KL: variants seen among roughly 807,000 people sequenced by gnomAD.
KL encodes klotho.
KL carries 62 observed loss-of-function variants against 84.2 expected under a neutral mutation model. The observed-to-expected ratio is 0.74, with a 90% CI of 0.60 to 0.91. KL has a LOEUF of 0.91. KL is among the 40% of genes least tolerant of loss of function. KL has a pLI of 0.00. For synonymous variants in KL, 528 were observed against 528.0 expected (o/e 1.00, Z 0.00); for missense variants, 1,261 against 1,305.7 (o/e 0.97, Z 0.53).
intron 1 of KL, among the ~76,000 whole-genome samples, chr13:33,025,301 T>C (rs1454771541): frequency 6.6e-6 from 1 of 152,212 alleles, no homozygotes; most frequent in Non-Finnish European, 1.5e-5. Flanking sequence ...GTTTTGGACT[T>C]TGCAGATCCT....
At chr13:33,020,909 T>G (rs1870552787) in intron 1 of KL, among the ~76,000 whole-genome samples, 1 of 152,216 alleles carries the variant, frequency 6.6e-6, no homozygotes, top group Non-Finnish European at 1.5e-5. Context: ...CACCTGTTCT[T>G]CTGGAGCCAG....
At chr13:33,054,423 A>T (rs1198088599) in intron 2 of KL, 146 bp downstream of exon 2, 3 of 803,856 alleles carry the variant, frequency 3.7e-6, no homozygotes, top group Non-Finnish European at 5.9e-6. Flanking sequence ...CATTCATTTA[A>T]CACCTTTCTC....
At chr13:33,060,253 C>A (rs747119620) in intron 3 of KL, among the ~76,000 whole-genome samples, 7 of 152,184 alleles carry the variant, frequency 4.6e-5, no homozygotes, top group Non-Finnish European at 4.4e-5. Context: ...CCAACTCACT[C>A]ACATTTTAAG....
intron 3 of KL, among the ~76,000 whole-genome samples, chr13:33,057,598 C>A (rs747428813): frequency 6.6e-6 from 1 of 152,150 alleles, no homozygotes; most frequent in Non-Finnish European, 1.5e-5. Context: ...GGGACCCCAC[C>A]CCTCCTCCTG....
rs1209380803 is a variant in KL, at chr13:33,065,873, T to C, written c.*1687T>C. 5.7e-6 allele frequency: 1 copy of C among 174,918 alleles called. No individual in the cohort carries two copies. Among genetic ancestry groups the C allele is most frequent in the African/African-American group, 2.4e-5 (1 of 42,228 alleles). 10.8% of individuals were successfully genotyped at this position (174,918 alleles called of 1,614,324 possible). ...TATAGTTAGTATCTTTATTAATTTT[T>C]ATTATGAAACTTTCCTTTGTCATTA... On this transcript the variant is annotated 3_prime_UTR_variant, in exon 5 of 5. Transcript: ENST00000380099.
At position 33,016,896 on chromosome 13, in the gene KL, G is replaced by T; in HGVS notation, c.456G>T (p.Ser152=). Residue 152 remains serine (S), a synonymous_variant, in exon 1 of 5, where the codon TCG becomes TCT. Transcript: ENST00000380099. ...TCACTCACTACCGCTTCTCCATCTC[G>T]TGGGCGCGAGTGCTCCCCAATGGCA... is the stretch of plus-strand genomic sequence containing the variant. ...LGVTHYRFSI[S]WARVLPNGSA... The T allele has an allele frequency of 1.9e-6, 3 of 1,612,294 alleles. No homozygotes were observed. The highest frequency in any genetic ancestry group is 1.7e-6 in the Non-Finnish European group (2 of 1,179,746).
At chr13:33,058,401 C>T (rs897857865) in intron 3 of KL, among the ~76,000 whole-genome samples, 4 of 149,240 alleles carry the variant, frequency 2.7e-5, no homozygotes, top group African/African-American at 9.9e-5. Context: ...AGTGCAGTGG[C>T]GTGATCTCGG....
In KL at chr13:33,016,833, C is replaced by A. The variant is rs79554512; in HGVS notation, c.393C>A (p.Asn131Lys). The A allele has an allele frequency of 8.0e-4, 1,295 of 1,612,932 alleles. 10 individuals are homozygous for A. In the African/African-American group the frequency reaches 0.016, roughly 19 times the overall value. ...TGDVASDSYN[N>K]VFRDTEALRE... Reference sequence around the variant, plus strand: ...ACGTAGCCAGCGACAGCTACAACAACGTCTTCCGCGACACGGAGGCGCTGC... The same window carrying A: ...ACGTAGCCAGCGACAGCTACAACAAAGTCTTCCGCGACACGGAGGCGCTGC... The change falls in exon 1 of 5, where the codon AAC (asparagine) becomes AAA (lysine). Residue 131 changes from asparagine to lysine, a missense_variant. Coordinates refer to ENST00000380099, the MANE Select transcript of KL (RefSeq NM_004795.4).
intron 1 of KL, among the ~76,000 whole-genome samples, chr13:33,025,593 G>A (rs1870743940): frequency 1.3e-5 from 2 of 152,202 alleles, no homozygotes; most frequent in Non-Finnish European, 2.9e-5. Context: ...AGGTGGGAAA[G>A]GATGAGGAGC....
At chr13:33,041,163 A>G (rs1048494304) in intron 1 of KL, among the ~76,000 whole-genome samples, 12 of 151,998 alleles carry the variant, frequency 7.9e-5, no homozygotes, top group Non-Finnish European at 1.2e-4. Context: ...GTTTGATTCC[A>G]TTTACATAAA....
chr13:33,060,599 T>TGAATATG (rs1422781951), intron 3 of KL, 80 bp from the exon 4 acceptor site: 1 of 1,517,602 alleles, frequency 6.6e-7, no homozygotes, highest in African/African-American at 1.4e-5. Flanking sequence ...TATTCCTGGC[T>TGAATATG]AGTTTTGCTG....
At chr13:33,034,854 AC>A (rs1208114882) in intron 1 of KL, among the ~76,000 whole-genome samples, 3 of 152,174 alleles carry the variant, frequency 2.0e-5, no homozygotes, top group African/African-American at 7.2e-5. Context: ...TTTGATCTTG[AC>A]CCATAGTAAG....
chr13:33,064,304 A>G lies in KL; in HGVS notation c.*118A>G. 1 of 807,314 alleles carries G rather than the reference A, an allele frequency of 1.2e-6. No individual in the cohort carries two copies. Among genetic ancestry groups the G allele is most frequent in the Non-Finnish European group, 1.9e-6 (1 of 512,910 alleles). The allele number at this position is 807,314 out of a possible 1,614,324, so 50.0% of individuals were successfully genotyped here. On this transcript the variant is annotated 3_prime_UTR_variant, in exon 5 of 5. Transcript: ENST00000380099. The stretch of plus-strand genomic sequence containing the variant: ...AATTTCATACATTTGACTTCTAGAA[A>G]ACATTTTTGTGGCTTATGACAGAGG...
At chr13:33,062,545 C>G (rs970428929) in intron 4 of KL, among the ~76,000 whole-genome samples, 1 of 151,524 alleles carries the variant, frequency 6.6e-6, no homozygotes, top group Non-Finnish European at 1.5e-5. Context: ...TAGTGATGCA[C>G]ACCTGTAATC....
Position 33,016,546 on chromosome 13 carries a change from G to C in KL, c.106G>C (p.Gly36Arg). 1.4e-6 allele frequency: 2 copies of C among 1,402,434 alleles called. No individual in the cohort carries two copies. Among genetic ancestry groups the C allele is most frequent in the Non-Finnish European group, 9.2e-7 (1 of 1,082,948 alleles). The allele number at this position is 1,402,434 out of a possible 1,614,324, so 86.9% of individuals were successfully genotyped here. The change falls in exon 1 of 5, where the codon GGC (glycine) becomes CGC (arginine). Residue 36 changes from glycine to arginine, a missense_variant. Transcript: ENST00000380099. The part of the protein sequence containing the change: ...LGGRRLRAEP[G>R]DGAQTWARFS... ...CGGCCGCCGCCTGCGTGCGGAGCCGGGCGACGGCGCGCAGACCTGGGCCCG... is the reference window on the plus strand; with the variant it reads ...CGGCCGCCGCCTGCGTGCGGAGCCGCGCGACGGCGCGCAGACCTGGGCCCG...
intron 1 of KL, among the ~76,000 whole-genome samples, chr13:33,039,683 ACTT>A (rs1871267960): frequency 6.6e-6 from 1 of 152,204 alleles, no homozygotes; most frequent in Non-Finnish European, 1.5e-5. Flanking sequence ...ATTAGGAACT[ACTT>A]CTTAGAAGAG....
At chr13:33,057,246 T>G (rs1483360804) in intron 3 of KL, among the ~76,000 whole-genome samples, 3 of 152,056 alleles carry the variant, frequency 2.0e-5, no homozygotes, top group Admixed American at 1.3e-4. Context: ...CAGCCAGCAT[T>G]GCTGTGCAGA....
chr13:33,053,134 G>A (rs112522574), intron 1 of KL, among the ~76,000 whole-genome samples: 1 of 152,170 alleles, frequency 6.6e-6, no homozygotes, highest in East Asian at 1.9e-4. Context: ...CTTGGACCTA[G>A]CACCCTGGGT....
In KL at chr13:33,061,061, A is replaced by C. The variant is rs1379153039; in HGVS notation, c.1982A>C (p.Tyr661Ser). 2 of 1,612,588 alleles carry C rather than the reference A, an allele frequency of 1.2e-6. No individual in the cohort carries two copies. The highest frequency in any genetic ancestry group is 8.5e-7 in the Non-Finnish European group (1 of 1,179,008). Residue 661 changes from tyrosine (Y) to serine (S), a missense_variant, in exon 4 of 5, where the codon TAC (tyrosine) becomes TCC (serine). Transcript: ENST00000380099. ...LARQGAWENPYTALAFAEYAR... is the reference protein window; with the variant it reads ...LARQGAWENPSTALAFAEYAR... Reference sequence around the variant, plus strand: ...AGGCAGGGCGCCTGGGAGAACCCCTACACTGCCCTGGCCTTTGCAGAGTAT... The same window carrying C: ...AGGCAGGGCGCCTGGGAGAACCCCTCCACTGCCCTGGCCTTTGCAGAGTAT...
Sources: gnomAD v4.1 joint callset for allele counts (sites outside exome capture counted in the v4.1 genomes callset) on GRCh38, gnomAD v4.1.1 for gene constraint, MANE v1.5 for transcripts, NCBI Gene and HGNC (gene_info 2026-07-23, HGNC 2026-07-21) for gene names.